CRYZ: variants seen among roughly 807,000 people sequenced by gnomAD.
The protein encoded by CRYZ is zeta-crystallin.
In CRYZ, 35 loss-of-function variants were observed where a neutral mutation model predicts 34.1. The ratio of observed to expected loss-of-function variants is 1.03; its 90% CI spans 0.78 to 1.36. CRYZ has a LOEUF of 1.36. Among genes scored for constraint, CRYZ ranks in the 40% most tolerant of loss-of-function variants. The pLI is 0.00. For missense variants in CRYZ, 403 were observed against 391.8 expected, an observed-to-expected ratio of 1.03 and a Z score of -0.24; for synonymous variants, 137 against 136.5, an observed-to-expected ratio of 1.00 and a Z score of -0.03.
Position 74,732,987 on chromosome 1 carries a change from G to A in CRYZ, c.-45C>T. The A allele has an allele frequency of 6.1e-6, 3 of 489,414 alleles. No individual in the cohort carries two copies. The highest frequency in any genetic ancestry group is 7.2e-6 in the Non-Finnish European group (2 of 278,228). The allele number at this position is 489,414 out of a possible 1,614,324, so 30.3% of individuals were successfully genotyped here. On this transcript the variant is annotated 5_prime_UTR_variant, in exon 1 of 9. Coordinates refer to ENST00000340866, the MANE Select transcript of CRYZ (RefSeq NM_001889.4). ...CTAGAGTGGGAATTAAAATCTGCGTGGGCTTCTTCAGATTCCACAGAAATG... is the reference window on the plus strand; with the variant it reads ...CTAGAGTGGGAATTAAAATCTGCGTAGGCTTCTTCAGATTCCACAGAAATG...
intron 4 of CRYZ, among the ~76,000 whole-genome samples, chr1:74,718,804 T>G (rs925282612): frequency 1.3e-5 from 2 of 152,110 alleles, no homozygotes; most frequent in Non-Finnish European, 2.9e-5. Flanking sequence ...CCTAGATGAT[T>G]CTAATGGATA....
intron 1 of CRYZ, chr1:74,730,465 G>C (rs1419582965): frequency 6.6e-6 from 1 of 152,184 alleles, no homozygotes; most frequent in African/African-American, 2.4e-5. Context: ...GTGGCATACT[G>C]ATGGCAAATA....
intron 1 of CRYZ, among the ~76,000 whole-genome samples, chr1:74,732,437 C>CCCCCACAGCTGGGCTGTGGGAAGGGG: frequency 6.6e-6 from 1 of 151,386 alleles, no homozygotes; most frequent in Non-Finnish European, 1.5e-5. Flanking sequence ...GAGAAGAAAT[C>CCCCCACAGCTGGGCTGTGGGAAGGGG]CCCTACAGCT....
intron 1 of CRYZ, among the ~76,000 whole-genome samples, chr1:74,725,256 A>G (rs1335639404): frequency 6.6e-6 from 1 of 152,198 alleles, no homozygotes; most frequent in East Asian, 1.9e-4. Context: ...GTTCATTTTC[A>G]TACTGCTATG....
At chr1:74,707,388 G>T in intron 6 of CRYZ, 184 bp from the exon 7 acceptor site, 1 of 469,596 alleles carries the variant, frequency 2.1e-6, no homozygotes, top group Non-Finnish European at 3.7e-6. Flanking sequence ...CAAGGTACCA[G>T]CCAGAACATC....
Position 74,724,810 on chromosome 1 carries a change from T to C in CRYZ, c.12A>G (p.Gly4=), listed in dbSNP as rs1319632244. 1 of 1,609,258 alleles carries C rather than the reference T, an allele frequency of 6.2e-7. No individual in the cohort carries two copies. ...CTCTAACAGCTCTCATCAACTTCTG[T>C]CCAGTCGCCATGGTGATCTAGATAC... MAT[G]QKLMRAVRVF... Residue 4 remains glycine (G), a synonymous_variant, in exon 2 of 9, where the codon GGA becomes GGG. Transcript: ENST00000340866.
At position 74,711,334 on chromosome 1, in the gene CRYZ, GA is replaced by G. The variant is rs1247475357; in HGVS notation, c.481-1088del. On this transcript the variant is annotated intron_variant, in intron 5 of 8. Transcript: ENST00000340866. ...TGTGAGGCACAAAGAAAGCGGTGAG[GA>G]AAATGGGAGGAGGAAGATCAGTTTG... 7.9e-5 allele frequency among the ~76,000 whole-genome samples: 12 copies of G among 152,234 alleles called. No individual in the cohort carries two copies. The East Asian group carries it at 2.3e-3, about 30-fold the overall frequency.
At chr1:74,707,736 A>G (rs1223643426) in intron 6 of CRYZ, 1 of 152,334 alleles carries the variant, frequency 6.6e-6, no homozygotes, top group Non-Finnish European at 1.5e-5. Context: ...TGGCTCTTAC[A>G]AAAAGCTACA....
intron 4 of CRYZ, among the ~76,000 whole-genome samples, chr1:74,716,367 A>C (rs914916636): frequency 1.3e-5 from 2 of 152,098 alleles, no homozygotes; most frequent in Admixed American, 6.6e-5. Flanking sequence ...AACCCTGACT[A>C]ATACAGTCAT....
Position 74,706,343 on chromosome 1 carries a change from T to C in CRYZ, c.943A>G (p.Ile315Val). The change falls in exon 9 of 9, where the codon ATC becomes GTC. Residue 315 changes from isoleucine (I) to valine (V), a missense_variant. Coordinates refer to ENST00000340866, the MANE Select transcript of CRYZ (RefSeq NM_001889.4). The stretch of plus-strand genomic sequence containing the variant: ...CCAGTAGCCCCACTACCATGAATGA[T>C]ATTTTCATGAGCCTCGGCCACCTTC... The part of the protein sequence containing the change: ...LEKVAEAHEN[I>V]IHGSGATGKM... 1 of 1,612,324 alleles carries C rather than the reference T, an allele frequency of 6.2e-7. No homozygotes were observed. The highest frequency in any genetic ancestry group is 8.5e-7 in the Non-Finnish European group (1 of 1,179,112).
chr1:74,715,205 T>G (rs528372289), intron 4 of CRYZ, among the ~76,000 whole-genome samples: 250 of 152,350 alleles, frequency 1.6e-3, no homozygotes, highest in Non-Finnish European at 3.0e-3. Flanking sequence ...CAATAAATTC[T>G]ATCACAAAGA....
At position 74,706,199 on chromosome 1, in the gene CRYZ, T is replaced by C. The variant is rs1049571229; in HGVS notation, c.*97A>G. The C allele has an allele frequency of 1.9e-6, 2 of 1,056,988 alleles. No individual in the cohort carries two copies. The highest frequency in any genetic ancestry group is 1.6e-5 in the African/African-American group (1 of 62,606). 65.5% of individuals were successfully genotyped at this position (1,056,988 alleles called of 1,614,324 possible). The stretch of plus-strand genomic sequence containing the variant: ...CTTATTTTTTCACATAAGAAGCTCA[T>C]GGAATCGAATGTTAATTAAAGAAAA... On this transcript the variant is annotated 3_prime_UTR_variant, in exon 9 of 9. Coordinates refer to ENST00000340866, the MANE Select transcript of CRYZ (RefSeq NM_001889.4).
At chr1:74,720,199 G>A (rs1484839180) in intron 3 of CRYZ, among the ~76,000 whole-genome samples, 1 of 151,978 alleles carries the variant, frequency 6.6e-6, no homozygotes, top group African/African-American at 2.4e-5. Flanking sequence ...AGTTTCTTCC[G>A]CACACCAAAC....
chr1:74,725,491 CT>C (rs1647287006), intron 1 of CRYZ, among the ~76,000 whole-genome samples: 1 of 152,046 alleles, frequency 6.6e-6, no homozygotes, highest in East Asian at 1.9e-4. Context: ...TGGGAACTCC[CT>C]TCCCCCATGA....
intron 3 of CRYZ, among the ~76,000 whole-genome samples, chr1:74,720,301 C>A (rs1426587118): frequency 6.6e-6 from 1 of 150,552 alleles, no homozygotes; most frequent in Non-Finnish European, 1.5e-5. Flanking sequence ...CATACTAGGA[C>A]CCTGACAGCA....
Position 74,724,673 on chromosome 1 carries a change from G to C in CRYZ, c.111+38C>G, listed in dbSNP as rs557202996. The C allele has an allele frequency of 4.8e-6, 6 of 1,262,054 alleles. No individual in the cohort carries two copies. In the East Asian group the frequency reaches 1.4e-4, roughly 29 times the overall value. 78.2% of individuals were successfully genotyped at this position (1,262,054 alleles called of 1,614,324 possible). A position where few individuals can be genotyped will look rare whatever the true frequency, so the allele number is the denominator to read the frequency against. On this transcript the variant is annotated intron_variant, in intron 2 of 8. Coordinates refer to ENST00000340866, the MANE Select transcript of CRYZ (RefSeq NM_001889.4). Reference sequence around the variant, plus strand: ...ACAATGTGCAAGAGACTCACACTCAGTATAATTATAGCCTCAATAAAGTAA... The same window carrying C: ...ACAATGTGCAAGAGACTCACACTCACTATAATTATAGCCTCAATAAAGTAA...
chr1:74,722,682 A>G (rs1374326753), intron 3 of CRYZ, among the ~76,000 whole-genome samples: 4 of 151,974 alleles, frequency 2.6e-5, no homozygotes, highest in Non-Finnish European at 4.4e-5. Flanking sequence ...CTGTATAGTG[A>G]CCTTGCATTT....
intron 6 of CRYZ, 106 bp downstream of exon 6, chr1:74,709,992 G>A: frequency 1.1e-6 from 1 of 878,256 alleles, no homozygotes; most frequent in Non-Finnish European, 1.7e-6. Flanking sequence ...ACTGAAAAAA[G>A]GAAGCAAACA....
intron 4 of CRYZ, among the ~76,000 whole-genome samples, chr1:74,718,404 T>C (rs1277650338): frequency 2.6e-5 from 4 of 152,130 alleles, no homozygotes; most frequent in Admixed American, 2.6e-4. Flanking sequence ...GAATAAAGCA[T>C]TTCATTACTT....
Sources: gnomAD v4.1 joint callset for allele counts (sites outside exome capture counted in the v4.1 genomes callset) on GRCh38, gnomAD v4.1.1 for gene constraint, MANE v1.5 for transcripts, NCBI Gene and HGNC (gene_info 2026-07-23, HGNC 2026-07-21) for gene names.